Variants in MGST1 observed in about 807,000 individuals in gnomAD.
MGST1 encodes microsomal glutathione S-transferase 1.
A neutral mutation model predicts 8.9 loss-of-function variants in MGST1; 5 were observed. The ratio of observed to expected loss-of-function variants is 0.56; its 90% CI spans 0.29 to 1.19. MGST1 has a LOEUF of 1.19. Ranked by LOEUF, MGST1 falls within the 50% of genes most tolerant of loss-of-function variation. The pLI is 0.08. For missense variants in MGST1, 182 were observed against 187.4 expected (o/e 0.97, Z 0.17); for synonymous variants, 54 against 67.8 (o/e 0.80, Z 1.00).
intron 1 of MGST1, among the ~76,000 whole-genome samples, chr12:16,392,013 T>G (rs1346918922): frequency 6.6e-6 from 1 of 152,228 alleles, no homozygotes; most frequent in South Asian, 2.1e-4. Context: ...TATTTCCCAT[T>G]GCTAGTTTTT....
At position 16,389,553 on chromosome 12, in the gene MGST1, A is replaced by T. The variant is rs1940532173; in HGVS notation, n.778+5949A>T. Among the ~76,000 whole-genome samples, 1 of 152,202 alleles carries T rather than the reference A, an allele frequency of 6.6e-6. No homozygotes were observed. Among genetic ancestry groups the T allele is most frequent in the Admixed American group, 6.5e-5 (1 of 15,276 alleles). On this transcript the variant is annotated intron_variant and non_coding_transcript_variant, in intron 1 of 1. Transcript: ENST00000359720. This position sits in a 1 kb window ranked among gnomAD's most constrained non-coding sequence, Gnocchi z 4.6. Reference sequence around the variant, plus strand: ...TTGGGTTTTCCCTGCCCTTCTTAGGATAGCCAGTAGAAAAATGGGGTTTCC... The same window carrying T: ...TTGGGTTTTCCCTGCCCTTCTTAGGTTAGCCAGTAGAAAAATGGGGTTTCC...
chr12:16,350,729 C>T (rs181341278), intron 1 of MGST1: 9 of 152,354 alleles, frequency 5.9e-5, no homozygotes, highest in Admixed American at 3.3e-4. Flanking sequence ...CTTAACTGCT[C>T]ATTACCTGGC....
chr12:16,575,611 A>G lies in MGST1; in HGVS notation n.483-13917A>G, dbSNP rs546404318. On this transcript the variant is annotated intron_variant and non_coding_transcript_variant, in intron 4 of 4. Transcript: ENST00000538857. ...TTATTCATCCATTTTATGGATGAGGAAAATGAGGCATGCAGAATTATGTAA... is the reference window on the plus strand; with the variant it reads ...TTATTCATCCATTTTATGGATGAGGGAAATGAGGCATGCAGAATTATGTAA... Among the ~76,000 whole-genome samples, 149 of 152,274 alleles carry G rather than the reference A, an allele frequency of 9.8e-4. 1 individual carries two copies. In the South Asian group the frequency reaches 0.016, roughly 16 times the overall value.
chr12:16,399,382 T>C, intron 1 of MGST1: 4 of 1,522,194 alleles, frequency 2.6e-6, no homozygotes, highest in Non-Finnish European at 3.6e-6. Flanking sequence ...CTCTTCTGGC[T>C]CATACTTCGA....
At chr12:16,476,772 G>T (rs1941326539) in intron 4 of MGST1, among the ~76,000 whole-genome samples, 1 of 152,116 alleles carries the variant, frequency 6.6e-6, no homozygotes, top group South Asian at 2.1e-4. Flanking sequence ...AACTAAAAAA[G>T]GATCCAGTCT....
chr12:16,456,941 A>C (rs1941178388), intron 4 of MGST1, among the ~76,000 whole-genome samples: 1 of 151,940 alleles, frequency 6.6e-6, no homozygotes, highest in Non-Finnish European at 1.5e-5. Flanking sequence ...AGTCATTAAC[A>C]GCTCTCCCTC....
intron 4 of MGST1, among the ~76,000 whole-genome samples, chr12:16,483,223 A>G (rs1941376716): frequency 1.3e-5 from 2 of 152,106 alleles, no homozygotes. Context: ...GATTTTTTCA[A>G]GTTGCCTTAT....
Position 16,547,617 on chromosome 12 carries a change from A to G in MGST1, n.483-41911A>G, listed in dbSNP as rs1330511349. On this transcript the variant is annotated intron_variant and non_coding_transcript_variant, in intron 4 of 4. Transcript: ENST00000538857. The surrounding 1 kb of genome is among the most constrained non-coding windows in gnomAD (Gnocchi z 4.6). ...GAATGCTCAGGGAGAGGCCTGTCAC[A>G]TAGTAGGTGCGCAATAAATGTCAAT... Among the ~76,000 whole-genome samples the G allele has an allele frequency of 6.6e-6, 1 of 152,160 alleles. No homozygotes were observed. Among genetic ancestry groups the G allele is most frequent in the Admixed American group, 6.6e-5 (1 of 15,258 alleles).
At chr12:16,372,534 T>C (rs1461797993) in intron 3 of MGST1, among the ~76,000 whole-genome samples, 1 of 152,012 alleles carries the variant, frequency 6.6e-6, no homozygotes, top group Non-Finnish European at 1.5e-5. Context: ...TAACAGATTC[T>C]AGTGAGAATG....
chr12:16,386,371 G>A (rs1187299684), intron 1 of MGST1, among the ~76,000 whole-genome samples: 1 of 152,124 alleles, frequency 6.6e-6, no homozygotes, highest in Non-Finnish European at 1.5e-5. Context: ...GCTAGGACTC[G>A]GCACAACTTA....
chr12:16,402,435 C>T lies in MGST1; in HGVS notation n.778+18831C>T. ...GTCACAGCCATAGCCCTGGACGCCG[C>T]TTCTCCTCGGGTTCTGAGAATCACG... On this transcript the variant is annotated intron_variant and non_coding_transcript_variant, in intron 1 of 1. Transcript: ENST00000359720. 1.4e-5 allele frequency: 23 copies of T among 1,603,364 alleles called. No individual in the cohort carries two copies. In the South Asian group the frequency reaches 2.4e-4, roughly 17 times the overall value.
intron 4 of MGST1, among the ~76,000 whole-genome samples, chr12:16,484,552 A>T (rs1941386127): frequency 6.6e-6 from 1 of 152,194 alleles, no homozygotes; most frequent in African/African-American, 2.4e-5. Context: ...TACAGGAAGC[A>T]CAACTAGGGA....
chr12:16,391,083 C>T (rs1374959064), intron 1 of MGST1, among the ~76,000 whole-genome samples: 1 of 149,858 alleles, frequency 6.7e-6, no homozygotes, highest in African/African-American at 2.4e-5. Flanking sequence ...TTTTCATATG[C>T]TTGTTGGCCA....
downstream of MGST1, among the ~76,000 whole-genome samples, chr12:16,365,258 A>AG (rs1438195057): frequency 8.7e-6 from 1 of 114,846 alleles, no homozygotes; most frequent in East Asian, 5.3e-4. Flanking sequence ...TCACAAATTT[A>AG]GATTTTTTTG....
rs1413874796 is a variant in MGST1, at chr12:16,503,006, A to G, written n.483-86522A>G. On this transcript the variant is annotated intron_variant and non_coding_transcript_variant, in intron 4 of 4. Coordinates refer to the MGST1 transcript ENST00000538857. This position sits in a 1 kb window ranked among gnomAD's most constrained non-coding sequence, Gnocchi z 4.8. ...GGTGTTAGCTCTAGGATTTTGAGGT[A>G]GAGCAGTATGACATTAGGAGTAGAA... Among the ~76,000 whole-genome samples, 3 of 152,234 alleles carry G rather than the reference A, an allele frequency of 2.0e-5. No individual in the cohort carries two copies. Among genetic ancestry groups the G allele is most frequent in the Non-Finnish European group, 4.4e-5 (3 of 68,034 alleles).
At chr12:16,400,684 G>A in intron 1 of MGST1, 1 of 1,497,368 alleles carries the variant, frequency 6.7e-7, no homozygotes, top group East Asian at 2.3e-5. Flanking sequence ...CTTCATTCCT[G>A]CCCAGAGCAC....
At chr12:16,441,852 G>A (rs200295504), downstream of MGST1, among the ~76,000 whole-genome samples, 28 of 151,906 alleles carry the variant, frequency 1.8e-4, no homozygotes, top group East Asian at 3.9e-3. Context: ...CTTTGGGAGA[G>A]GGATTGCAGG....
downstream of MGST1, among the ~76,000 whole-genome samples, chr12:16,592,582 A>T (rs1279527657): frequency 6.6e-6 from 1 of 151,864 alleles, no homozygotes; most frequent in East Asian, 1.9e-4. Flanking sequence ...CCTTACTCCT[A>T]CCCACCCAGG....
chr12:16,473,393 G>C (rs1279049028), intron 4 of MGST1, among the ~76,000 whole-genome samples: 1 of 152,134 alleles, frequency 6.6e-6, no homozygotes, highest in East Asian at 1.9e-4. Flanking sequence ...TAAATGAAGA[G>C]TATTAGAAAC....
Sources: gnomAD v4.1 joint callset for allele counts (sites outside exome capture counted in the v4.1 genomes callset) on GRCh38, gnomAD v4.1.1 for gene constraint, Gnocchi (gnomAD v3.1) non-coding constraint, MANE v1.5 for transcripts, NCBI Gene and HGNC (gene_info 2026-07-23, HGNC 2026-07-21) for gene names.